The following PRH1 variants were observed in gnomAD, a reference collection of about 807,000 sequenced individuals.
PRH1 encodes the protein salivary acidic proline-rich phosphoprotein 1/2.
In PRH1, 7 loss-of-function variants were observed where a neutral mutation model predicts 7.9. The ratio of observed to expected loss-of-function variants is 0.89; its 90% CI spans 0.50 to 1.67. The LOEUF (loss-of-function observed/expected upper bound fraction) is 1.67, where lower values mean the gene tolerates loss of function less well. PRH1 is among the 40% of genes most tolerant of loss of function. The pLI is 0.00. For synonymous variants in PRH1, 45 were observed against 80.8 expected (o/e 0.56, Z 2.38); for missense variants, 109 against 223.6 (o/e 0.49, Z 3.27).
intron 1 of PRH1, among the ~76,000 whole-genome samples, chr12:11,003,027 A>C (rs1940664774): frequency 6.6e-6 from 1 of 152,024 alleles, no homozygotes; most frequent in East Asian, 1.9e-4. Context: ...TTAAATTGGA[A>C]ACAAGAAAAA....
upstream of PRH1, among the ~76,000 whole-genome samples, chr12:10,887,343 T>C (rs1949507154): frequency 6.6e-6 from 1 of 152,152 alleles, no homozygotes; most frequent in South Asian, 2.1e-4. Context: ...CAACTAAGCA[T>C]TCTGATAATA....
chr12:11,048,723 A>C (rs776456874), upstream of PRH1: 28 of 366,252 alleles, frequency 7.6e-5, no homozygotes, highest in Non-Finnish European at 1.2e-4. Context: ...GCATGGTTAC[A>C]GTCAAGTTTG....
intron 2 of PRH1, among the ~76,000 whole-genome samples, chr12:10,936,276 G>A (rs1183353220): frequency 1.3e-5 from 2 of 152,000 alleles, no homozygotes; most frequent in East Asian, 3.9e-4. Context: ...ATAAGGCCCA[G>A]GCTAAGATCA....
chr12:11,066,635 ATG>A (rs1367063954), intron 1 of PRH1, among the ~76,000 whole-genome samples: 1 of 37,030 alleles, frequency 2.7e-5, no homozygotes, highest in Non-Finnish European at 9.0e-5. Flanking sequence ...AATGAGATAG[ATG>A]TATATATAGA....
At chr12:11,069,459 ACAAAAGACAACTAG>A (rs1374760161) in intron 1 of PRH1, among the ~76,000 whole-genome samples, 2 of 41,990 alleles carry the variant, frequency 4.8e-5, no homozygotes, top group East Asian at 1.7e-3. Flanking sequence ...CAGTTTAGAG[ACAAAAGACAACTAG>A]CAAAGGAGAA....
chr12:10,884,658 G>A (rs1949463235), upstream of PRH1, among the ~76,000 whole-genome samples: 1 of 152,200 alleles, frequency 6.6e-6, no homozygotes, highest in Non-Finnish European at 1.5e-5. Flanking sequence ...AGCTAACAGT[G>A]AAGATGGTCA....
At chr12:10,948,614 A>C (rs902640066) in intron 2 of PRH1, among the ~76,000 whole-genome samples, 13 of 152,164 alleles carry the variant, frequency 8.5e-5, no homozygotes, top group African/African-American at 3.1e-4. Context: ...CATATACTGT[A>C]TTCTGTCATT....
intron 1 of PRH1, among the ~76,000 whole-genome samples, chr12:11,045,538 A>T (rs1942872892): frequency 6.6e-6 from 1 of 152,122 alleles, no homozygotes; most frequent in Admixed American, 6.6e-5. Context: ...GTACCCAATA[A>T]ATGTATGCAC....
chr12:10,937,460 A>G (rs1950307396), intron 2 of PRH1: 1 of 152,096 alleles, frequency 6.6e-6, no homozygotes, highest in South Asian at 2.1e-4. Context: ...AAGATAGGAA[A>G]CAAATATTCT....
At chr12:11,066,024 T>C in intron 1 of PRH1, among the ~76,000 whole-genome samples, 1 of 152,212 alleles carries the variant, frequency 6.6e-6, no homozygotes, top group East Asian at 1.9e-4. Flanking sequence ...ATTTAAATTT[T>C]ACTCTGTTTT....
intron 2 of PRH1, among the ~76,000 whole-genome samples, chr12:10,891,089 G>A (rs1391608465): frequency 6.6e-6 from 1 of 152,164 alleles, no homozygotes; most frequent in East Asian, 1.9e-4. Flanking sequence ...CTTGGGTCAG[G>A]AAGATCTCAG....
At chr12:10,882,797 G>C in intron 2 of PRH1, 99 bp from the exon 3 acceptor site, 1 of 1,557,562 alleles carries the variant, frequency 6.4e-7, no homozygotes, top group South Asian at 1.2e-5. Context: ...CTCTCTGCCT[G>C]ACCTGCCTCT....
intron 1 of PRH1, among the ~76,000 whole-genome samples, chr12:11,066,832 C>G (rs11533164): frequency 3.0e-4 from 45 of 150,642 alleles, no homozygotes; most frequent in African/African-American, 1.1e-3. Flanking sequence ...TGTGGTAGTT[C>G]ATCAAGAATA....
chr12:11,116,508 T>C (rs1003690619), downstream of PRH1, among the ~76,000 whole-genome samples: 1 of 152,070 alleles, frequency 6.6e-6, no homozygotes, highest in African/African-American at 2.4e-5. Flanking sequence ...AAAGAATAAC[T>C]GATACCAATC....
At chr12:10,968,784 G>C (rs1287026485) in intron 2 of PRH1, among the ~76,000 whole-genome samples, 1 of 152,224 alleles carries the variant, frequency 6.6e-6, no homozygotes, top group African/African-American at 2.4e-5. Context: ...ATGCCAGCAG[G>C]AACAAATTCT....
chr12:10,937,142 A>T lies in PRH1; in HGVS notation c.-59+36513T>A, dbSNP rs534912460. Among the ~76,000 whole-genome samples the T allele has an allele frequency of 8.6e-5, 13 of 151,428 alleles. 1 individual carries two copies. Among genetic ancestry groups the T allele is most frequent in the African/African-American group, 3.2e-4 (13 of 41,208 alleles). ...GGATTATCTTCCCCTTTTGGAGATT[A>T]CCTCTCACTACCTTGCAGCTGCTTT... On this transcript the variant is annotated intron_variant, in intron 2 of 3. Transcript: ENST00000539853.
At chr12:11,071,483 TG>T (rs5796421) in intron 1 of PRH1, among the ~76,000 whole-genome samples, 32,351 of 150,700 alleles carry the variant, frequency 0.21, no homozygotes, top group East Asian at 0.45. Flanking sequence ...CAGAGCACTT[TG>T]GGCACAGACA....
chr12:10,942,168 G>A (rs1409958816), intron 2 of PRH1, among the ~76,000 whole-genome samples: 2 of 152,130 alleles, frequency 1.3e-5, no homozygotes, highest in Non-Finnish European at 2.9e-5. Context: ...AGCTTTGGGA[G>A]TTTAATGCTC....
intron 2 of PRH1, among the ~76,000 whole-genome samples, chr12:10,972,281 T>C (rs1938851643): frequency 2.0e-5 from 3 of 152,168 alleles, no homozygotes; most frequent in Admixed American, 6.5e-5. Context: ...CTGGGCATGA[T>C]CCCCCTTAAG....
Sources: gnomAD v4.1 joint callset for allele counts (sites outside exome capture counted in the v4.1 genomes callset) on GRCh38, gnomAD v4.1.1 for gene constraint, MANE v1.5 for transcripts, NCBI Gene and HGNC (gene_info 2026-07-23, HGNC 2026-07-21) for gene names.